The following LRGUK variants were observed in gnomAD, a reference collection of about 807,000 sequenced individuals.
LRGUK encodes the protein leucine-rich repeat and guanylate kinase domain-containing protein.
A neutral mutation model predicts 76.0 loss-of-function variants in LRGUK; 65 were observed. The observed-to-expected ratio is 0.85, with a 90% confidence interval of 0.70 to 1.05. The LOEUF is 1.05. Ranked by LOEUF, LRGUK falls within the 50% of genes least tolerant of loss-of-function variation. The pLI is 0.00. For missense variants in LRGUK, 758 were observed against 732.8 expected, an observed-to-expected ratio of 1.03 and a Z score of -0.40; for synonymous variants, 268 against 265.6, an observed-to-expected ratio of 1.01 and a Z score of -0.09.
the LRGUK span, among the ~76,000 whole-genome samples, chr7:134,271,671 A>G: frequency 6.6e-6 from 1 of 151,900 alleles, no homozygotes; most frequent in Non-Finnish European, 1.5e-5. Flanking sequence ...CTCTTTTTTT[A>G]TGATACTTGC....
chr7:134,159,861 G>T (rs1424797172), intron 6 of LRGUK, among the ~76,000 whole-genome samples: 1 of 152,174 alleles, frequency 6.6e-6, no homozygotes, highest in Non-Finnish European at 1.5e-5. Context: ...TCAGGATAAA[G>T]TATTGGCATC....
At chr7:134,218,643 T>G (rs1487130004) in intron 15 of LRGUK, among the ~76,000 whole-genome samples, 1 of 152,234 alleles carries the variant, frequency 6.6e-6, no homozygotes, top group African/African-American at 2.4e-5. Context: ...AACTTTCCTT[T>G]TTGCAGTAAA....
At chr7:134,184,981 T>G (rs1231100868) in intron 11 of LRGUK, among the ~76,000 whole-genome samples, 1 of 152,246 alleles carries the variant, frequency 6.6e-6, no homozygotes, top group Non-Finnish European at 1.5e-5. Flanking sequence ...GCCTGGAACA[T>G]GTGCCAACGG....
chr7:134,185,770 T>C (rs548073890), intron 11 of LRGUK, among the ~76,000 whole-genome samples: 9 of 152,328 alleles, frequency 5.9e-5, no homozygotes, highest in East Asian at 3.9e-4. Flanking sequence ...AAGCTACACA[T>C]GTTCAAACAA....
At chr7:134,249,598 A>G (rs1343587678) in intron 18 of LRGUK, among the ~76,000 whole-genome samples, 1 of 152,170 alleles carries the variant, frequency 6.6e-6, no homozygotes, top group Non-Finnish European at 1.5e-5. Context: ...ATTTGCAACC[A>G]ACCATTCTGA....
chr7:134,181,034 T>C (rs1344850216), intron 10 of LRGUK, among the ~76,000 whole-genome samples: 7 of 152,214 alleles, frequency 4.6e-5, no homozygotes, highest in African/African-American at 7.2e-5. Flanking sequence ...TGTCAAAACA[T>C]ACAGCCATCA....
chr7:134,245,061 A>G (rs949853613), intron 16 of LRGUK, among the ~76,000 whole-genome samples: 1 of 152,076 alleles, frequency 6.6e-6, no homozygotes, highest in Non-Finnish European at 1.5e-5. Flanking sequence ...GGGGAGGGAT[A>G]GCATTAGGAG....
chr7:134,193,123 A>T (rs1436201), intron 12 of LRGUK, among the ~76,000 whole-genome samples: 39,496 of 152,120 alleles, frequency 0.26, 6,415 homozygotes, highest in Admixed American at 0.41. Context: ...ACAAGTGAGA[A>T]AATCCTATGA....
At chr7:134,273,988 A>G in the LRGUK span, among the ~76,000 whole-genome samples, 90 of 152,320 alleles carry the variant, frequency 5.9e-4, no homozygotes, top group African/African-American at 2.1e-3. Context: ...TTTTAACTCT[A>G]TATTTTCCTA....
chr7:134,186,354 T>C (rs1347958120), intron 11 of LRGUK, among the ~76,000 whole-genome samples: 2 of 152,224 alleles, frequency 1.3e-5, no homozygotes, highest in African/African-American at 4.8e-5. Context: ...CCATCATGCT[T>C]GTGATTAGTT....
chr7:134,174,209 G>A (rs568931198), intron 7 of LRGUK, among the ~76,000 whole-genome samples: 1 of 152,138 alleles, frequency 6.6e-6, no homozygotes, highest in South Asian at 2.1e-4. Flanking sequence ...AATGGCGGTG[G>A]GGTGGGTAAC....
At chr7:134,222,222 T>C (rs1290252460) in intron 16 of LRGUK, among the ~76,000 whole-genome samples, 1 of 152,232 alleles carries the variant, frequency 6.6e-6, no homozygotes, top group African/African-American at 2.4e-5. Flanking sequence ...CAGTGAAAGA[T>C]GTATTTCAAG....
chr7:134,227,007 A>C (rs1361732850), intron 16 of LRGUK, among the ~76,000 whole-genome samples: 3 of 151,752 alleles, frequency 2.0e-5, no homozygotes, highest in Non-Finnish European at 2.9e-5. Context: ...GGTAATTCAG[A>C]GTAACCTTCC....
chr7:134,161,685 A>C (rs970807013), intron 6 of LRGUK, among the ~76,000 whole-genome samples: 3 of 123,376 alleles, frequency 2.4e-5, no homozygotes, highest in Non-Finnish European at 4.9e-5. Context: ...AATTATTGTT[A>C]TTCTTTTTTT....
chr7:134,138,678 G>A (rs1797634416), intron 2 of LRGUK, among the ~76,000 whole-genome samples: 2 of 152,058 alleles, frequency 1.3e-5, no homozygotes, highest in African/African-American at 4.8e-5. Context: ...CTCTTCATTG[G>A]TTTGCTTGTT....
chr7:134,170,528 GAGT>G (rs1799195977), intron 7 of LRGUK, among the ~76,000 whole-genome samples: 1 of 152,052 alleles, frequency 6.6e-6, no homozygotes, highest in Non-Finnish European at 1.5e-5. Flanking sequence ...ATAACTAAAA[GAGT>G]AGAATTGTCA....
chr7:134,150,385 C>G (rs1327568882), intron 5 of LRGUK, among the ~76,000 whole-genome samples: 1 of 151,620 alleles, frequency 6.6e-6, no homozygotes, highest in Non-Finnish European at 1.5e-5. Flanking sequence ...TTGCTTGAAC[C>G]TGGGAGGTGG....
chr7:134,197,031 T>A (rs1308992109), exon 13 of LRGUK: 1 of 1,611,146 alleles, frequency 6.2e-7, no homozygotes, highest in East Asian at 2.2e-5. Context: ...TAATCACAAG[T>A]ATGGATTAAA....
chr7:134,262,265 T>C (rs1379979913), intron 19 of LRGUK, among the ~76,000 whole-genome samples: 2 of 152,058 alleles, frequency 1.3e-5, no homozygotes, highest in East Asian at 3.9e-4. Context: ...TCCCAGCTAC[T>C]CAGGAGGCTG....
Sources: allele counts gnomAD v4.1 joint callset (sites outside exome capture counted in the v4.1 genomes callset), GRCh38; gene constraint gnomAD v4.1.1; transcripts MANE v1.5; gene names NCBI Gene and HGNC (gene_info 2026-07-23, HGNC 2026-07-21).